The following PIGU variants were observed in gnomAD, a reference collection of about 807,000 sequenced individuals.
PIGU encodes the protein GPI-anchor transamidase component PIGU.
PIGU carries 24 observed loss-of-function variants against 49.9 expected under a neutral mutation model. The ratio of observed to expected loss-of-function variants is 0.48; its 90% CI spans 0.35 to 0.68. The LOEUF is 0.68. PIGU is among the 30% of genes least tolerant of loss of function. The pLI, the probability that PIGU is intolerant of heterozygous loss-of-function variation, is 0.01. For synonymous variants in PIGU, 220 were observed against 205.7 expected (o/e 1.07, Z -0.59); for missense variants, 490 against 532.6 (o/e 0.92, Z 0.79).
At chr20:34,588,251 CA>C (rs890285736) in intron 8 of PIGU, among the ~76,000 whole-genome samples, 11 of 142,686 alleles carry the variant, frequency 7.7e-5, no homozygotes, top group Admixed American at 1.4e-4. Flanking sequence ...CACCCTGTCT[CA>C]AAAAAAAAAG....
chr20:34,673,628 C>A (rs1230500516), intron 1 of PIGU, among the ~76,000 whole-genome samples: 1 of 152,194 alleles, frequency 6.6e-6, no homozygotes, highest in Non-Finnish European at 1.5e-5. Context: ...CACTATTTTT[C>A]CTAATATCTC....
At chr20:34,594,006 A>G (rs1984097134) in intron 7 of PIGU, among the ~76,000 whole-genome samples, 1 of 152,048 alleles carries the variant, frequency 6.6e-6, no homozygotes. Flanking sequence ...GAGAAACCCT[A>G]TCTCAACAAA....
intron 1 of PIGU, among the ~76,000 whole-genome samples, chr20:34,668,693 CG>C (rs1987197603): frequency 6.9e-6 from 1 of 143,894 alleles, no homozygotes; most frequent in Non-Finnish European, 1.5e-5. Flanking sequence ...GGCATGAAAC[CG>C]GAAGGCGGAG....
At chr20:34,563,424 G>A (rs759536135) in intron 11 of PIGU, among the ~76,000 whole-genome samples, 11 of 148,616 alleles carry the variant, frequency 7.4e-5, no homozygotes, top group Non-Finnish European at 1.6e-4. Flanking sequence ...AAAATTAGCC[G>A]GGCATGGTGG....
intron 1 of PIGU, among the ~76,000 whole-genome samples, chr20:34,667,033 G>C (rs1216399104): frequency 6.6e-6 from 1 of 151,830 alleles, no homozygotes; most frequent in Non-Finnish European, 1.5e-5. Context: ...GTAGAGATGG[G>C]GTCCTGCTAT....
chr20:34,576,200 G>A (rs1052712306), intron 10 of PIGU, among the ~76,000 whole-genome samples: 1 of 151,776 alleles, frequency 6.6e-6, no homozygotes, highest in Non-Finnish European at 1.5e-5. Flanking sequence ...CATAGTGAGA[G>A]CCCATCTCTA....
At chr20:34,653,795 G>A (rs555616564) in intron 2 of PIGU, among the ~76,000 whole-genome samples, 1 of 152,144 alleles carries the variant, frequency 6.6e-6, no homozygotes, top group Admixed American at 6.5e-5. Flanking sequence ...TTTCAAGAGT[G>A]TGACATGAGC....
intron 9 of PIGU, among the ~76,000 whole-genome samples, chr20:34,583,861 C>T (rs1354608259): frequency 6.6e-6 from 1 of 152,216 alleles, no homozygotes; most frequent in East Asian, 1.9e-4. Flanking sequence ...ATGGGAACCA[C>T]GTGCATTGGT....
At chr20:34,649,912 G>T (rs1289215005) in intron 2 of PIGU, among the ~76,000 whole-genome samples, 1 of 144,456 alleles carries the variant, frequency 6.9e-6, no homozygotes, top group Non-Finnish European at 1.5e-5. Context: ...GCAGTGGCGC[G>T]ATCTCGGCTC....
At chr20:34,579,595 A>G (rs955578098) in intron 10 of PIGU, among the ~76,000 whole-genome samples, 5 of 152,342 alleles carry the variant, frequency 3.3e-5, no homozygotes, top group South Asian at 2.1e-4. Context: ...TCAAGCCCCA[A>G]GCAGGTTCTC....
intron 11 of PIGU, among the ~76,000 whole-genome samples, chr20:34,570,889 G>C (rs187897461): frequency 8.4e-4 from 128 of 152,150 alleles, no homozygotes; most frequent in Middle Eastern, 3.4e-3. Flanking sequence ...CAAAATAAAA[G>C]GGTTAAAAAA....
At chr20:34,579,430 G>A (rs1056161035) in intron 10 of PIGU, 1 of 152,230 alleles carries the variant, frequency 6.6e-6, no homozygotes, top group Non-Finnish European at 1.5e-5. Context: ...GTGGGAGCAT[G>A]CATGTTAGCG....
At chr20:34,658,593 C>T (rs1413128984) in intron 1 of PIGU, among the ~76,000 whole-genome samples, 1 of 151,886 alleles carries the variant, frequency 6.6e-6, no homozygotes, top group Non-Finnish European at 1.5e-5. Context: ...TGGGCAGTGC[C>T]TCTGCCCCAC....
intron 8 of PIGU, among the ~76,000 whole-genome samples, chr20:34,587,914 G>C (rs983295370): frequency 2.6e-5 from 4 of 152,130 alleles, no homozygotes; most frequent in Admixed American, 2.0e-4. Context: ...CATTTAGATT[G>C]ATTCCATAAC....
chr20:34,581,003 T>C (rs1983438545), intron 10 of PIGU, among the ~76,000 whole-genome samples: 1 of 152,178 alleles, frequency 6.6e-6, no homozygotes, highest in South Asian at 2.1e-4. Context: ...TGCTGTCTAG[T>C]ATGGTAGCCT....
intron 2 of PIGU, among the ~76,000 whole-genome samples, chr20:34,652,647 G>A (rs775907579): frequency 2.0e-5 from 3 of 152,056 alleles, no homozygotes; most frequent in Non-Finnish European, 2.9e-5. Context: ...ATATTTTGAT[G>A]GGTTGTGTTT....
rs140448221 is a variant in PIGU at position 34,632,656 on chromosome 20, C to T, written c.529+1959G>A. ...CTGGGATTACAGGTGTAAGCCACTG[C>T]GCCCAGCCTTCATACACCCTTTCTT... On this transcript the variant is annotated intron_variant, in intron 6 of 11. Transcript: ENST00000217446. Among the ~76,000 whole-genome samples, 33 of 152,146 alleles carry T rather than the reference C, an allele frequency of 2.2e-4. No individual in the cohort carries two copies. In the East Asian group the frequency reaches 3.9e-3, roughly 18 times the overall value.
At chr20:34,669,402 C>T (rs562210544) in intron 1 of PIGU, among the ~76,000 whole-genome samples, 1 of 152,166 alleles carries the variant, frequency 6.6e-6, no homozygotes, top group Non-Finnish European at 1.5e-5. Flanking sequence ...TGCAGTGACT[C>T]ATGCCTGTAA....
At chr20:34,624,230 C>A (rs1428483591) in intron 6 of PIGU, among the ~76,000 whole-genome samples, 1 of 152,124 alleles carries the variant, frequency 6.6e-6, no homozygotes, top group African/African-American at 2.4e-5. Flanking sequence ...GCAACCAATA[C>A]CATCTGAGCA....
Sources: gnomAD v4.1 joint callset for allele counts (sites outside exome capture counted in the v4.1 genomes callset) on GRCh38, gnomAD v4.1.1 for gene constraint, MANE v1.5 for transcripts, NCBI Gene and HGNC (gene_info 2026-07-23, HGNC 2026-07-21) for gene names.